Variants in C6orf58 observed in about 807,000 individuals in gnomAD.
The protein encoded by C6orf58 is protein LEG1 homolog.
Under a neutral mutation model 37.0 loss-of-function variants are expected in C6orf58, and 30 were observed. The observed-to-expected ratio is 0.81, with a 90% CI of 0.61 to 1.10. The LOEUF (loss-of-function observed/expected upper bound fraction) is 1.10. Ranked by LOEUF, C6orf58 falls within the 50% of genes least tolerant of loss-of-function variation. The pLI, the probability that C6orf58 is intolerant of heterozygous loss-of-function variation, is 0.00. For synonymous variants in C6orf58, 143 were observed against 134.1 expected (o/e 1.07, Z -0.46); for missense variants, 368 against 387.5 (o/e 0.95, Z 0.42).
At chr6:127,584,461 T>C (rs964655052) in intron 4 of C6orf58, among the ~76,000 whole-genome samples, 3 of 152,196 alleles carry the variant, frequency 2.0e-5, no homozygotes, top group African/African-American at 7.2e-5. Flanking sequence ...CATCTGTGCT[T>C]TCCATGAGTC....
In C6orf58 at chr6:127,580,342, G is replaced by T. The variant is rs1250066767; in HGVS notation, c.466G>T (p.Val156Phe). 1 of 1,613,114 alleles carries T rather than the reference G, an allele frequency of 6.2e-7. No homozygotes were observed. The highest frequency in any genetic ancestry group is 8.5e-7 in the Non-Finnish European group (1 of 1,179,352). The change falls in exon 3 of 6, where the codon GTC becomes TTC. Residue 156 changes from valine (V) to phenylalanine (F), a missense_variant. Physicochemically the swap from Val to Phe is conservative, Grantham distance 50. Coordinates refer to ENST00000329722, the MANE Select transcript of C6orf58 (RefSeq NM_001010905.3). Reference sequence around the variant, plus strand: ...TGTAATGGGGATATCATCAGACCAAGTCAGGCTTTTGCCCCCACCCAAGAA... The same window carrying T: ...TGTAATGGGGATATCATCAGACCAATTCAGGCTTTTGCCCCCACCCAAGAA... ...SGVMGISSDQ[V>F]RLLPPPKNER...
chr6:127,578,572 A>C, intron 1 of C6orf58, 114 bp from the exon 2 acceptor site: 1 of 631,284 alleles, frequency 1.6e-6, no homozygotes, highest in Middle Eastern at 2.6e-4. Flanking sequence ...AACACATATC[A>C]TTCAGAAATA....
At chr6:127,582,097 A>ACTTTCATC (rs1316200790) in intron 4 of C6orf58, among the ~76,000 whole-genome samples, 3 of 152,310 alleles carry the variant, frequency 2.0e-5, no homozygotes, top group South Asian at 4.1e-4. Flanking sequence ...ACTCTCTGTC[A>ACTTTCATC]CTTTCATCAT....
At chr6:127,585,862 C>T (rs957720621) in intron 4 of C6orf58, among the ~76,000 whole-genome samples, 1 of 152,116 alleles carries the variant, frequency 6.6e-6, no homozygotes. Context: ...TATACTTCCT[C>T]TCTTCTCATT....
Position 127,579,745 on chromosome 6 carries a change from C to T in C6orf58, c.389-520C>T, listed in dbSNP as rs544153775. On this transcript the variant is annotated intron_variant, in intron 2 of 5. Coordinates refer to ENST00000329722, the MANE Select transcript of C6orf58 (RefSeq NM_001010905.3). Reference sequence around the variant, plus strand: ...CTAATGGTCTATTGTCAAAACTTACCCAAAATTTGTGCTTTAAAGGATAAA... The same window carrying T: ...CTAATGGTCTATTGTCAAAACTTACTCAAAATTTGTGCTTTAAAGGATAAA... Among the ~76,000 whole-genome samples, 220 of 151,850 alleles carry T rather than the reference C, an allele frequency of 1.4e-3. 5 individuals carry two copies. Among genetic ancestry groups the T allele is most frequent in the Non-Finnish European group, 6.0e-4 (41 of 67,884 alleles).
chr6:127,591,026 T>G (rs1245179606), intron 5 of C6orf58, among the ~76,000 whole-genome samples: 1 of 152,060 alleles, frequency 6.6e-6, no homozygotes, highest in African/African-American at 2.4e-5. Flanking sequence ...TCTGCATCAG[T>G]TAGAGTAACA....
chr6:127,591,415 T>C, intron 5 of C6orf58, 128 bp from the exon 6 acceptor site: 1 of 863,394 alleles, frequency 1.2e-6, no homozygotes, highest in Non-Finnish European at 1.6e-6. Flanking sequence ...CTTTTCTTTG[T>C]ATAATTTATG....
intron 2 of C6orf58, 122 bp from the exon 3 acceptor site, chr6:127,580,143 A>G: frequency 1.5e-6 from 1 of 647,746 alleles, no homozygotes; most frequent in African/African-American, 1.8e-5. Flanking sequence ...TTTTTTCCTA[A>G]TGGTTAGCTT....
intron 4 of C6orf58, among the ~76,000 whole-genome samples, chr6:127,581,599 A>G (rs1385993528): frequency 6.6e-6 from 1 of 152,148 alleles, no homozygotes; most frequent in African/African-American, 2.4e-5. Flanking sequence ...TTATTATTTA[A>G]TCATAGACAC....
rs762919219 is a variant in C6orf58 at position 127,590,251 on chromosome 6, TC to T, written c.840del (p.Ser281ValfsTer9). ...CTTAATACTGATGTAGCCCCTTTCA[TC>T]AGTGACTTTACTGCTTTTCAGAATG... Reference protein sequence around the residue: ...ILLNTDVAPFISDFTAFQNVV... With the variant: ...ILLNTDVAPFXSDFTAFQNVV... On this transcript the variant is annotated frameshift_variant, in exon 5 of 6. Coordinates refer to ENST00000329722, the MANE Select transcript of C6orf58 (RefSeq NM_001010905.3). LOFTEE classifies it high-confidence loss of function. 6.9e-5 allele frequency: 112 copies of T among 1,613,596 alleles called. No individual in the cohort carries two copies. Among genetic ancestry groups the T allele is most frequent in the Admixed American group, 1.0e-4 (6 of 59,984 alleles).
intron 4 of C6orf58, among the ~76,000 whole-genome samples, chr6:127,588,987 T>A (rs1775133885): frequency 6.6e-6 from 1 of 152,098 alleles, no homozygotes; most frequent in African/African-American, 2.4e-5. Context: ...GCAGGGAGGA[T>A]CCCACAAGCA....
At chr6:127,583,113 C>A (rs1458834640) in intron 4 of C6orf58, among the ~76,000 whole-genome samples, 1 of 152,124 alleles carries the variant, frequency 6.6e-6, no homozygotes. Context: ...AAATTCAATT[C>A]TGGCTTAATT....
At position 127,581,990 on chromosome 6, in the gene C6orf58, C is replaced by A. The variant is rs78716138; in HGVS notation, c.674+708C>A. ...CATTAAGTTGCAGTTTGCTACATAT[C>A]GTGGCAATTTTAGGCCAAACTTAAT... On this transcript the variant is annotated intron_variant, in intron 4 of 5. Transcript: ENST00000329722. 3.3e-3 allele frequency among the ~76,000 whole-genome samples: 497 copies of A among 152,266 alleles called. 7 individuals are homozygous for A. In the East Asian group the frequency reaches 0.033, roughly 10 times the overall value.
At chr6:127,584,398 G>A (rs142975270) in intron 4 of C6orf58, among the ~76,000 whole-genome samples, 4 of 152,184 alleles carry the variant, frequency 2.6e-5, no homozygotes, top group Admixed American at 6.5e-5. Context: ...TCCATGATGA[G>A]TATAGAGTTT....
chr6:127,580,142 A>G, intron 2 of C6orf58, 123 bp from the exon 3 acceptor site: 2 of 639,672 alleles, frequency 3.1e-6, no homozygotes, highest in South Asian at 2.7e-5. Context: ...TTTTTTTCCT[A>G]ATGGTTAGCT....
intron 4 of C6orf58, among the ~76,000 whole-genome samples, chr6:127,587,419 G>A (rs116552123): frequency 0.014 from 2,110 of 152,166 alleles, 55 homozygotes; most frequent in African/African-American, 0.047. Context: ...TTTAATAATA[G>A]TTCCTCAGGC....
At position 127,591,727 on chromosome 6, in the gene C6orf58, G is replaced by T; in HGVS notation, c.*105G>T. The T allele has an allele frequency of 9.9e-7, 1 of 1,009,954 alleles. No homozygotes were observed. Among genetic ancestry groups the T allele is most frequent in the Non-Finnish European group, 1.3e-6 (1 of 767,248 alleles). 62.6% of individuals were successfully genotyped at this position (1,009,954 alleles called of 1,614,324 possible). ...AAATTAATGTCATCATGACCATGTA[G>T]TTTATTCTTTCTGATATTTTTGATT... On this transcript the variant is annotated 3_prime_UTR_variant, in exon 6 of 6. Transcript: ENST00000329722.
chr6:127,590,163 C>G lies in C6orf58; in HGVS notation c.751C>G (p.Leu251Val). The change falls in exon 5 of 6, where the codon CTC becomes GTC. Residue 251 changes from leucine to valine, a missense_variant. Leu to Val is a conservative substitution (Grantham distance 32, BLOSUM62 1). Coordinates refer to ENST00000329722, the MANE Select transcript of C6orf58 (RefSeq NM_001010905.3). ...VLAVDHLAAVLFPTTLIRSYK... is the reference protein window; with the variant it reads ...VLAVDHLAAVVFPTTLIRSYK... Reference sequence around the variant, plus strand: ...GGCTGTGGATCATTTAGCTGCAGTCCTCTTTCCTACAACCTTGATTAGATC... The same window carrying G: ...GGCTGTGGATCATTTAGCTGCAGTCGTCTTTCCTACAACCTTGATTAGATC... 2 of 1,613,768 alleles carry G rather than the reference C, an allele frequency of 1.2e-6. No individual in the cohort carries two copies. The highest frequency in any genetic ancestry group is 1.7e-6 in the Non-Finnish European group (2 of 1,179,802).
Position 127,580,445 on chromosome 6 carries a change from A to G in C6orf58, c.569A>G (p.Tyr190Cys). The G allele has an allele frequency of 6.2e-7, 1 of 1,610,220 alleles. No individual in the cohort carries two copies. Among genetic ancestry groups the G allele is most frequent in the South Asian group, 1.1e-5 (1 of 90,940 alleles). The change falls in exon 3 of 6, where the codon TAC becomes TGC. Residue 190 changes from tyrosine (Y) to cysteine (C), a missense_variant. Physicochemically the swap from Tyr to Cys is radical, Grantham distance 194. Coordinates refer to ENST00000329722, the MANE Select transcript of C6orf58 (RefSeq NM_001010905.3). The stretch of plus-strand genomic sequence containing the variant: ...ACAATGAACAAGTGGAACACCTTTT[A>G]CCAGGTTCCTTCTTTATACTCTTAC... ...PETMNKWNTFYQYLQSPFSKF... is the reference protein window; with the variant it reads ...PETMNKWNTFCQYLQSPFSKF...
Sources: allele counts gnomAD v4.1 joint callset (sites outside exome capture counted in the v4.1 genomes callset), GRCh38; gene constraint gnomAD v4.1.1; transcripts MANE v1.5; gene names NCBI Gene and HGNC (gene_info 2026-07-23, HGNC 2026-07-21).